The following PRMT8 variants were observed in gnomAD, a reference collection of about 807,000 sequenced individuals.
PRMT8 encodes the protein protein arginine methyltransferase 8.
PRMT8 carries 7 observed loss-of-function variants against 47.1 expected under a neutral mutation model. That is an observed-to-expected ratio of 0.15 (90% CI 0.08 to 0.28). The LOEUF (loss-of-function observed/expected upper bound fraction) is 0.28. Among genes scored for constraint, PRMT8 ranks in the 10% least tolerant of loss-of-function variants. PRMT8 has a pLI of 1.00. For synonymous variants in PRMT8, 188 were observed against 186.5 expected (o/e 1.01, Z -0.07); for missense variants, 237 against 505.4 (o/e 0.47, Z 5.09).
chr12:3,396,257 G>A (rs1343528361), intron 1 of PRMT8, among the ~76,000 whole-genome samples: 1 of 152,144 alleles, frequency 6.6e-6, no homozygotes, highest in Non-Finnish European at 1.5e-5. Context: ...CTGTCATTAT[G>A]ATGTTAGCTG....
intron 1 of PRMT8, among the ~76,000 whole-genome samples, chr12:3,392,190 A>C (rs1290302619): frequency 6.6e-6 from 1 of 151,916 alleles, no homozygotes; most frequent in African/African-American, 2.4e-5. Context: ...ATTTTATTTT[A>C]TTTTTTTATT....
At chr12:3,556,161 T>C (rs573847649) in intron 4 of PRMT8, among the ~76,000 whole-genome samples, 3 of 152,210 alleles carry the variant, frequency 2.0e-5, no homozygotes, top group African/African-American at 7.2e-5. Flanking sequence ...CTTGGATACG[T>C]GCGTCCAGAA....
intron 1 of PRMT8, among the ~76,000 whole-genome samples, chr12:3,471,548 C>T (rs185820507): frequency 6.6e-6 from 1 of 151,864 alleles, no homozygotes; most frequent in East Asian, 2.0e-4. Context: ...CAGCACGATG[C>T]CTCCTCAGTC....
rs1866810114 is a variant in PRMT8, at chr12:3,569,618, GGC to G, written c.712+55_712+56del. 3.4e-6 allele frequency: 5 copies of G among 1,460,316 alleles called. No homozygotes were observed. The highest frequency in any genetic ancestry group is 4.8e-6 in the Non-Finnish European group (5 of 1,040,038). 90.5% of individuals were successfully genotyped at this position (1,460,316 alleles called of 1,614,324 possible). On this transcript the variant is annotated intron_variant, in intron 6 of 9. Transcript: ENST00000382622. The surrounding 1 kb of genome is among the most constrained non-coding windows in gnomAD (Gnocchi z 8.2). ...CTTCCACTGCACAATTGGGGTGGGA[GGC>G]ACTCCAGTGGGCCCGAGATGAGCAG... is the stretch of plus-strand genomic sequence containing the variant.
intron 1 of PRMT8, among the ~76,000 whole-genome samples, chr12:3,455,352 C>T (rs111848481): frequency 6.6e-6 from 1 of 152,084 alleles, no homozygotes; most frequent in Non-Finnish European, 1.5e-5. Context: ...AGGGGAGGTG[C>T]CTTCTAGCCT....
chr12:3,431,709 A>G (rs1591547902), intron 1 of PRMT8, among the ~76,000 whole-genome samples: 1 of 152,232 alleles, frequency 6.6e-6, no homozygotes, highest in Admixed American at 6.5e-5. Context: ...GCTCCCTTCT[A>G]GAGACATTGG....
At chr12:3,479,460 A>G (rs1334747059) in intron 1 of PRMT8, among the ~76,000 whole-genome samples, 1 of 152,228 alleles carries the variant, frequency 6.6e-6, no homozygotes, top group African/African-American at 2.4e-5. Context: ...TTGTCATCAT[A>G]GGATGTACAA....
chr12:3,408,097 T>C (rs377628035), intron 1 of PRMT8, among the ~76,000 whole-genome samples: 1 of 152,040 alleles, frequency 6.6e-6, no homozygotes, highest in Non-Finnish European at 1.5e-5. Context: ...CTGAGTTTTC[T>C]TTTTTATCTT....
intron 1 of PRMT8, among the ~76,000 whole-genome samples, chr12:3,435,490 GACA>G (rs1864728775): frequency 1.3e-5 from 2 of 151,094 alleles, no homozygotes; most frequent in African/African-American, 4.9e-5. Flanking sequence ...CTGTAGAAAT[GACA>G]ACGTCATGTT....
chr12:3,448,104 C>T (rs1864876766), intron 1 of PRMT8, among the ~76,000 whole-genome samples: 1 of 152,228 alleles, frequency 6.6e-6, no homozygotes, highest in Non-Finnish European at 1.5e-5. Flanking sequence ...TCAAGCGATC[C>T]TCCAGCCTCA....
chr12:3,402,119 G>C (rs1864323614), intron 1 of PRMT8, among the ~76,000 whole-genome samples: 1 of 133,836 alleles, frequency 7.5e-6, no homozygotes, highest in Admixed American at 6.9e-5. Flanking sequence ...CATGATACTA[G>C]TACAAGAACA....
At chr12:3,529,392 G>A (rs1424293392) in intron 1 of PRMT8, among the ~76,000 whole-genome samples, 1 of 152,014 alleles carries the variant, frequency 6.6e-6, no homozygotes, top group Non-Finnish European at 1.5e-5. Flanking sequence ...TTAACTCATT[G>A]TTGGGTTGCT....
chr12:3,438,937 C>T (rs1864771886), intron 1 of PRMT8, among the ~76,000 whole-genome samples: 2 of 152,202 alleles, frequency 1.3e-5, no homozygotes, highest in Admixed American at 1.3e-4. Context: ...GAACATTTAA[C>T]TTTCAACAAT....
intron 1 of PRMT8, among the ~76,000 whole-genome samples, 179 bp downstream of exon 1, chr12:3,491,879 TGTGTGTG>T (rs1865413500): frequency 1.0e-5 from 1 of 97,334 alleles, no homozygotes; most frequent in African/African-American, 4.6e-5. Flanking sequence ...TGTGTGTGTG[TGTGTGTG>T]TGTTGGTGGG....
At chr12:3,423,320 G>A (rs557118970) in intron 1 of PRMT8, among the ~76,000 whole-genome samples, 49 of 152,280 alleles carry the variant, frequency 3.2e-4, no homozygotes, top group African/African-American at 5.5e-4. Context: ...GTTTCTTGCC[G>A]GGCCAGAATG....
At chr12:3,381,385 G>C (rs1468364837) in exon 1 of PRMT8, 14 of 1,536,040 alleles carry the variant, frequency 9.1e-6, no homozygotes, top group Non-Finnish European at 1.2e-5. Context: ...TTGAATGTGT[G>C]CCAGGTTGAA....
intron 1 of PRMT8, among the ~76,000 whole-genome samples, chr12:3,431,799 T>C (rs1380691418): frequency 6.6e-6 from 1 of 152,202 alleles, no homozygotes; most frequent in East Asian, 1.9e-4. Flanking sequence ...ATGTATAGTG[T>C]AGTCTTCCAA....
At chr12:3,444,775 T>C (rs1276139636) in intron 1 of PRMT8, among the ~76,000 whole-genome samples, 2 of 152,352 alleles carry the variant, frequency 1.3e-5, no homozygotes, top group East Asian at 1.9e-4. Flanking sequence ...CTTTGCCCAA[T>C]GGCAAGAGTG....
At chr12:3,466,936 TAAG>T (rs1219718133) in intron 1 of PRMT8, among the ~76,000 whole-genome samples, 3 of 152,208 alleles carry the variant, frequency 2.0e-5, no homozygotes, top group African/African-American at 7.2e-5. Context: ...AATGGTCTCT[TAAG>T]AAATTGTGTC....
Sources: allele counts gnomAD v4.1 joint callset (sites outside exome capture counted in the v4.1 genomes callset), GRCh38; gene constraint gnomAD v4.1.1; non-coding constraint Gnocchi (gnomAD v3.1); transcripts MANE v1.5; gene names NCBI Gene and HGNC (gene_info 2026-07-23, HGNC 2026-07-21).